Variants in MCTP2 observed in about 807,000 individuals in gnomAD.
MCTP2 encodes the protein multiple C2 and transmembrane domain containing 2, also known as multiple C2 and transmembrane domain-containing protein 2.
MCTP2 carries 132 observed loss-of-function variants against 111.6 expected under a neutral mutation model. The observed-to-expected ratio is 1.18, with a 90% CI of 1.03 to 1.37. MCTP2 has a LOEUF of 1.37. Among genes scored for constraint, MCTP2 ranks in the 40% most tolerant of loss-of-function variants. MCTP2 has a pLI of 0.00. For synonymous variants in MCTP2, 395 were observed against 387.7 expected (o/e 1.02, Z -0.22); for missense variants, 1,183 against 1,067.9 (o/e 1.11, Z -1.50).
chr15:94,303,811 C>T (rs1205442882), intron 2 of MCTP2, among the ~76,000 whole-genome samples: 1 of 152,154 alleles, frequency 6.6e-6, no homozygotes, highest in South Asian at 2.1e-4. Context: ...CTCTGTGGTG[C>T]TTTTTCCAAC....
At position 94,453,672 on chromosome 15, in the gene MCTP2, A is replaced by G. The variant is rs1260646343; in HGVS notation, c.2251-4465A>G. ...CTTATCTTTTTTACTTTTTCAGTATATAAATAAAAACACAAAGATTACATA... is the reference window on the plus strand; with the variant it reads ...CTTATCTTTTTTACTTTTTCAGTATGTAAATAAAAACACAAAGATTACATA... On this transcript the variant is annotated intron_variant, in intron 19 of 22. Coordinates refer to ENST00000357742, the MANE Select transcript of MCTP2 (RefSeq NM_001385001.1). Among the ~76,000 whole-genome samples, 10 of 151,200 alleles carry G rather than the reference A, an allele frequency of 6.6e-5. No individual in the cohort carries two copies. In the South Asian group the frequency reaches 1.7e-3, roughly 25 times the overall value.
intron 1 of MCTP2, among the ~76,000 whole-genome samples, chr15:94,268,455 G>C (rs1189236533): frequency 6.6e-6 from 1 of 151,844 alleles, no homozygotes; most frequent in East Asian, 1.9e-4. Context: ...GCCTCCCAAA[G>C]TGCTGGGACT....
chr15:94,286,397 G>A (rs1000113192), intron 1 of MCTP2, among the ~76,000 whole-genome samples: 4 of 150,626 alleles, frequency 2.7e-5, no homozygotes, highest in Admixed American at 2.0e-4. Context: ...ATTTCCTTTC[G>A]ACTGGTAAGA....
At chr15:94,289,712 T>C (rs1010465420) in intron 1 of MCTP2, among the ~76,000 whole-genome samples, 2 of 152,210 alleles carry the variant, frequency 1.3e-5, no homozygotes, top group South Asian at 2.1e-4. Context: ...TTATGTATTA[T>C]TATATTATGG....
intron 1 of MCTP2, among the ~76,000 whole-genome samples, chr15:94,297,507 T>C (rs1448174041): frequency 6.6e-6 from 1 of 152,170 alleles, no homozygotes; most frequent in Non-Finnish European, 1.5e-5. Flanking sequence ...TGAATATAAA[T>C]TTGAAAGATA....
chr15:94,252,605 T>C (rs1404341676), intron 1 of MCTP2, among the ~76,000 whole-genome samples: 7 of 152,018 alleles, frequency 4.6e-5, no homozygotes, highest in Non-Finnish European at 1.0e-4. Flanking sequence ...AAACCACAAA[T>C]TTTTTATTCA....
intron 14 of MCTP2, among the ~76,000 whole-genome samples, chr15:94,390,112 ATG>A (rs1189234074): frequency 1.2e-3 from 38 of 31,576 alleles, no homozygotes; most frequent in Middle Eastern, 0.018. Flanking sequence ...ATATATATAT[ATG>A]TATATATATA....
chr15:94,291,114 T>G (rs59377794), intron 1 of MCTP2, among the ~76,000 whole-genome samples: 1 of 151,968 alleles, frequency 6.6e-6, no homozygotes, highest in African/African-American at 2.4e-5. Flanking sequence ...ACCAAGACAG[T>G]CCACATTGGG....
intron 21 of MCTP2, among the ~76,000 whole-genome samples, chr15:94,473,828 C>T (rs1302865115): frequency 6.6e-6 from 1 of 152,196 alleles, no homozygotes; most frequent in Non-Finnish European, 1.5e-5. Context: ...GTTGGAGCTA[C>T]CTGCTGGTCG....
intron 2 of MCTP2, among the ~76,000 whole-genome samples, chr15:94,309,053 G>GATCCATACA (rs1273094593): frequency 6.6e-6 from 1 of 152,162 alleles, no homozygotes; most frequent in African/African-American, 2.4e-5. Context: ...TTGATTGTAT[G>GATCCATACA]ATCCATAACC....
In MCTP2 at chr15:94,478,888, C is replaced by A. The variant is rs1180950236; in HGVS notation, c.2569-78C>A. ...CCTTCCTTCCTTTGCCTTCGGTTGTCCTTGGGGAGCCATTAGCACACACTG... is the reference window on the plus strand; with the variant it reads ...CCTTCCTTCCTTTGCCTTCGGTTGTACTTGGGGAGCCATTAGCACACACTG... On this transcript the variant is annotated intron_variant, in intron 22 of 22. Transcript: ENST00000357742. The A allele has an allele frequency of 3.2e-6, 4 of 1,267,050 alleles. No homozygotes were observed. The African/African-American group carries it at 5.9e-5, about 19-fold the overall frequency. The allele number at this position is 1,267,050 out of a possible 1,614,324, so 78.5% of individuals were successfully genotyped here. A position where few individuals can be genotyped will look rare whatever the true frequency, so the allele number is the denominator to read the frequency against.
chr15:94,379,925 A>AAT (rs1055379408), intron 12 of MCTP2, among the ~76,000 whole-genome samples: 15 of 147,274 alleles, frequency 1.0e-4, no homozygotes, highest in South Asian at 2.1e-4. Flanking sequence ...TAATATATAT[A>AAT]ATATATATAT....
chr15:94,273,094 T>C (rs745790968), intron 1 of MCTP2, among the ~76,000 whole-genome samples: 22 of 152,228 alleles, frequency 1.4e-4, no homozygotes, highest in Non-Finnish European at 2.9e-4. Flanking sequence ...CTGGACTCAA[T>C]AGTGACATAC....
intron 15 of MCTP2, 130 bp from the exon 16 acceptor site, chr15:94,399,791 A>G (rs2081467462): frequency 2.7e-6 from 2 of 750,988 alleles, no homozygotes; most frequent in Admixed American, 4.2e-5. Context: ...GGTGTCCACC[A>G]TTTCTTTGCT....
At chr15:94,231,867 C>T (rs535460956) in intron 1 of MCTP2, 57 of 152,558 alleles carry the variant, frequency 3.7e-4, no homozygotes, top group African/African-American at 1.3e-3. Flanking sequence ...GGCAGAAATC[C>T]AGGCGTGGCG....
rs773393905 is a variant in MCTP2, at chr15:94,340,232, A to T, written c.814A>T (p.Met272Leu). ...YDRDLTTSDF[M>L]GSAFVILSDL... ...TCGAGATTTAACCACATCTGATTTC[A>T]TGGGTTCTGCATTTGTCATTCTCAG... Residue 272 changes from methionine to leucine, a missense_variant, in exon 6 of 23, where the codon ATG becomes TTG. Transcript: ENST00000357742. 7 of 1,613,250 alleles carry T rather than the reference A, an allele frequency of 4.3e-6. No homozygotes were observed. In the South Asian group the frequency reaches 6.6e-5, roughly 15 times the overall value.
At chr15:94,380,406 A>C (rs1235555805) in intron 12 of MCTP2, among the ~76,000 whole-genome samples, 1 of 152,206 alleles carries the variant, frequency 6.6e-6, no homozygotes, top group Non-Finnish European at 1.5e-5. Context: ...ATAATTGCTT[A>C]GGTGGTCATT....
In MCTP2 at chr15:94,339,285, T is replaced by G; in HGVS notation, c.638-5T>G. On this transcript the variant is annotated splice_region_variant and splice_polypyrimidine_tract_variant and intron_variant, in intron 4 of 22. Transcript: ENST00000357742. ...ATTCTGTCTTGTTTTCTTTTCCTTTTAAAGGCACAAGTGATCCTTATGTGA... is the reference window on the plus strand; with the variant it reads ...ATTCTGTCTTGTTTTCTTTTCCTTTGAAAGGCACAAGTGATCCTTATGTGA... 1 of 1,578,716 alleles carries G rather than the reference T, an allele frequency of 6.3e-7. No individual in the cohort carries two copies. Among genetic ancestry groups the G allele is most frequent in the African/African-American group, 1.4e-5 (1 of 72,796 alleles).
chr15:94,349,863 A>G (rs1416773248), intron 8 of MCTP2, among the ~76,000 whole-genome samples: 2 of 151,834 alleles, frequency 1.3e-5, no homozygotes, highest in African/African-American at 4.8e-5. Flanking sequence ...ATCAGTTGAG[A>G]AAGAGGATGA....
Sources: allele counts gnomAD v4.1 joint callset (sites outside exome capture counted in the v4.1 genomes callset), GRCh38; gene constraint gnomAD v4.1.1; transcripts MANE v1.5; gene names NCBI Gene and HGNC (gene_info 2026-07-23, HGNC 2026-07-21).